The following MASP1 variants were observed in gnomAD, a reference collection of about 807,000 sequenced individuals.
MASP1 encodes the protein MBL associated serine protease 1.
MASP1 carries 59 observed loss-of-function variants against 77.1 expected under a neutral mutation model. The ratio of observed to expected loss-of-function variants is 0.77; its 90% CI spans 0.62 to 0.95. The LOEUF is 0.95. MASP1 is among the 40% of genes least tolerant of loss of function. The pLI, the probability that MASP1 is intolerant of heterozygous loss-of-function variation, is 0.00. For synonymous variants in MASP1, 362 were observed against 354.5 expected (o/e 1.02, Z -0.24); for missense variants, 885 against 912.9 (o/e 0.97, Z 0.39).
intron 2 of MASP1, among the ~76,000 whole-genome samples, chr3:187,273,012 G>A (rs1040024305): frequency 5.9e-5 from 9 of 152,162 alleles, no homozygotes; most frequent in African/African-American, 2.2e-4. Flanking sequence ...CCCGGGATAC[G>A]TTGAGCACTC....
chr3:187,279,173 C>G (rs1316122450), intron 2 of MASP1, among the ~76,000 whole-genome samples: 1 of 152,218 alleles, frequency 6.6e-6, no homozygotes, highest in Non-Finnish European at 1.5e-5. Context: ...GTGTCTTTCT[C>G]AAGAACTTTC....
chr3:187,230,002 TG>T, downstream of MASP1: 1 of 1,366,496 alleles, frequency 7.3e-7, no homozygotes, highest in Non-Finnish European at 1.0e-6. Context: ...CTATTATTTT[TG>T]CTCCTCCACC....
chr3:187,262,209 G>A (rs1715640089), intron 3 of MASP1, among the ~76,000 whole-genome samples: 1 of 152,112 alleles, frequency 6.6e-6, no homozygotes, highest in Admixed American at 6.6e-5. Context: ...CATGAGATAT[G>A]TATATTCCAT....
intron 13 of MASP1, chr3:187,225,226 T>C (rs545980573): frequency 4.4e-6 from 6 of 1,373,966 alleles, no homozygotes; most frequent in Non-Finnish European, 6.2e-6. Context: ...GCAGACACTG[T>C]CAGCTGACTT....
At chr3:187,246,778 G>A in intron 8 of MASP1, 1 of 967,146 alleles carries the variant, frequency 1.0e-6, no homozygotes, top group Non-Finnish European at 1.2e-6. Flanking sequence ...CGCCAGATAG[G>A]GGTAGAAGGG....
chr3:187,280,157 TGAC>T (rs1717295013), intron 2 of MASP1, among the ~76,000 whole-genome samples: 2 of 152,210 alleles, frequency 1.3e-5, no homozygotes, highest in Non-Finnish European at 2.9e-5. Flanking sequence ...GGGGAGAGGC[TGAC>T]ATCTGGTAGA....
intron 2 of MASP1, among the ~76,000 whole-genome samples, chr3:187,278,162 A>T (rs1717113463): frequency 6.6e-6 from 1 of 152,240 alleles, no homozygotes; most frequent in African/African-American, 2.4e-5. Context: ...TCCATTTTAC[A>T]GATGGAGAAG....
chr3:187,240,125 T>C (rs2108519749), intron 10 of MASP1, among the ~76,000 whole-genome samples: 1 of 129,266 alleles, frequency 7.7e-6, no homozygotes, highest in Non-Finnish European at 1.7e-5. Context: ...CCTCCAGCCA[T>C]GTGGAACTGT....
Position 187,241,481 on chromosome 3 carries a change from C to A in MASP1, c.1303G>T (p.Glu435Ter). 2 of 1,613,544 alleles carry A rather than the reference C, an allele frequency of 1.2e-6. No individual in the cohort carries two copies. Among genetic ancestry groups the A allele is most frequent in the Non-Finnish European group, 1.7e-6 (2 of 1,179,542 alleles). Residue 435 changes from glutamate (E) to a stop codon, truncating the protein, a stop_gained and splice_region_variant, in exon 10 of 11, where the codon GAG (glutamate) becomes TAG (stop). Transcript: ENST00000296280. LOFTEE classifies it high-confidence loss of function. Reference sequence around the variant, plus strand: ...GCAAAGGATTTGGAGGGTGAGGTACCTGGAAGGCAGGTGGGTAGGCTTCTC... The same window carrying A: ...GCAAAGGATTTGGAGGGTGAGGTACATGGAAGGCAGGTGGGTAGGCTTCTC... ...LGRSLPTCLP[E>*]CGQPSRSLPS...
intron 14 of MASP1, chr3:187,221,263 G>A: frequency 2.8e-6 from 2 of 707,000 alleles, no homozygotes; most frequent in South Asian, 1.5e-5. Flanking sequence ...CTTGATCTAA[G>A]AGACTGCCCC....
chr3:187,225,447 G>C, exon 13 of MASP1: 3 of 1,614,186 alleles, frequency 1.9e-6, no homozygotes, highest in Non-Finnish European at 2.5e-6. Flanking sequence ...TGGGGGTGGA[G>C]AGTGGTGTGT....
intron 13 of MASP1, among the ~76,000 whole-genome samples, chr3:187,225,157 T>C (rs1015839628): frequency 4.6e-5 from 7 of 152,242 alleles, no homozygotes; most frequent in African/African-American, 1.7e-4. Flanking sequence ...CCCACAACTT[T>C]TGCTGCCTTG....
intron 10 of MASP1, 137 bp downstream of exon 10, chr3:187,241,344 T>C (rs1713619102): frequency 5.4e-6 from 4 of 744,962 alleles, no homozygotes; most frequent in Non-Finnish European, 9.8e-6. Flanking sequence ...ACCTTTAACC[T>C]TTTGAAGACA....
intron 10 of MASP1, among the ~76,000 whole-genome samples, chr3:187,236,904 G>A (rs778806560): frequency 6.6e-5 from 10 of 152,142 alleles, no homozygotes; most frequent in Non-Finnish European, 1.3e-4. Flanking sequence ...TCCAGTAGTG[G>A]TCACTTCTCC....
chr3:187,279,732 C>A (rs1175870695), intron 2 of MASP1, among the ~76,000 whole-genome samples: 1 of 152,160 alleles, frequency 6.6e-6, no homozygotes, highest in African/African-American at 2.4e-5. Flanking sequence ...CTAAGAAATC[C>A]TACTTAGAGA....
chr3:187,243,215 C>A, intron 9 of MASP1: 1 of 455,868 alleles, frequency 2.2e-6, no homozygotes, highest in Non-Finnish European at 4.0e-6. Context: ...CCACCAACAA[C>A]TCATTAGTAA....
At chr3:187,264,057 A>G (rs1299846058) in intron 2 of MASP1, among the ~76,000 whole-genome samples, 5 of 152,224 alleles carry the variant, frequency 3.3e-5, no homozygotes, top group African/African-American at 9.6e-5. Flanking sequence ...AAAGGCGGCT[A>G]TCTCTAGTAG....
At position 187,284,588 on chromosome 3, in the gene MASP1, T is replaced by C. The variant is rs1355662745; in HGVS notation, c.237+1237A>G. Among the ~76,000 whole-genome samples the C allele has an allele frequency of 3.3e-5, 5 of 152,300 alleles. No homozygotes were observed. The East Asian group carries it at 9.7e-4, about 29-fold the overall frequency. On this transcript the variant is annotated intron_variant, in intron 2 of 10. Transcript: ENST00000296280. ...ACATATACAATGACAATACTCTACA[T>C]ATAAAATAAGCGGAAGCACAGTGCC... is the stretch of plus-strand genomic sequence containing the variant.
At chr3:187,269,940 G>GGCACA (rs1169284394) in intron 2 of MASP1, among the ~76,000 whole-genome samples, 2 of 152,072 alleles carry the variant, frequency 1.3e-5, no homozygotes, top group Admixed American at 6.6e-5. Flanking sequence ...AAGCCTGAAC[G>GGCACA]GCTAATGGGA....
Sources: allele counts gnomAD v4.1 joint callset (sites outside exome capture counted in the v4.1 genomes callset), GRCh38; gene constraint gnomAD v4.1.1; transcripts MANE v1.5; gene names NCBI Gene and HGNC (gene_info 2026-07-23, HGNC 2026-07-21).